Variants in ANGPT1 observed in about 807,000 individuals in gnomAD.
The protein encoded by ANGPT1 is angiopoietin 1.
Under a neutral mutation model 62.2 loss-of-function variants are expected in ANGPT1, and 17 were observed. That is an observed-to-expected ratio of 0.27 (90% confidence interval 0.19 to 0.41). ANGPT1 has a LOEUF of 0.41. Among genes scored for constraint, ANGPT1 ranks in the 10% least tolerant of loss-of-function variants. ANGPT1 has a pLI of 1.00. For missense variants in ANGPT1, 478 were observed against 594.9 expected, an observed-to-expected ratio of 0.80 and a Z score of 2.04; for synonymous variants, 199 against 198.9, an observed-to-expected ratio of 1.00 and a Z score of 0.00.
chr8:107,369,056 C>T (rs1365278186), intron 1 of ANGPT1, among the ~76,000 whole-genome samples: 1 of 140,742 alleles, frequency 7.1e-6, no homozygotes, highest in Admixed American at 7.4e-5. Flanking sequence ...TACACAAGTC[C>T]TAGAAAGCAT....
At chr8:107,437,373 C>A (rs892760887) in intron 1 of ANGPT1, among the ~76,000 whole-genome samples, 1 of 152,086 alleles carries the variant, frequency 6.6e-6, no homozygotes, top group Non-Finnish European at 1.5e-5. Context: ...TCACTAACTA[C>A]CTTGAAATTA....
At chr8:107,404,680 C>G (rs373424902) in intron 1 of ANGPT1, among the ~76,000 whole-genome samples, 2 of 152,038 alleles carry the variant, frequency 1.3e-5, no homozygotes, top group East Asian at 3.9e-4. Context: ...ATTTTATTCA[C>G]TTGGGTAGAT....
chr8:107,496,531 G>T (rs1457918483), intron 1 of ANGPT1, among the ~76,000 whole-genome samples: 4 of 152,144 alleles, frequency 2.6e-5, no homozygotes, highest in African/African-American at 7.2e-5. Context: ...GAATATAGTA[G>T]ACTACATGCT....
intron 1 of ANGPT1, among the ~76,000 whole-genome samples, chr8:107,488,823 C>A (rs1166148117): frequency 1.3e-5 from 2 of 152,134 alleles, no homozygotes; most frequent in Non-Finnish European, 2.9e-5. Context: ...ACAATAAAAA[C>A]CTACTGAACT....
chr8:107,283,556 A>G (rs1008888119), intron 7 of ANGPT1, among the ~76,000 whole-genome samples: 1 of 152,184 alleles, frequency 6.6e-6, no homozygotes, highest in Non-Finnish European at 1.5e-5. Flanking sequence ...TGTCTTGAAA[A>G]GACAAATAAG....
chr8:107,282,854 G>C (rs1429038165), intron 7 of ANGPT1, among the ~76,000 whole-genome samples: 1 of 151,792 alleles, frequency 6.6e-6, no homozygotes, highest in African/African-American at 2.4e-5. Context: ...TCTAAGAGGA[G>C]GTGAGTACTC....
chr8:107,343,143 A>G (rs984691361), intron 2 of ANGPT1, among the ~76,000 whole-genome samples: 29 of 151,724 alleles, frequency 1.9e-4, no homozygotes, highest in African/African-American at 6.8e-4. Context: ...GGCTTGCCTT[A>G]TATTTCTAAT....
At chr8:107,468,552 C>G (rs78384780) in intron 1 of ANGPT1, among the ~76,000 whole-genome samples, 1 of 151,718 alleles carries the variant, frequency 6.6e-6, no homozygotes, top group Non-Finnish European at 1.5e-5. Flanking sequence ...ATATTAATAG[C>G]CAGATTAATA....
chr8:107,306,519 G>A (rs905169020), intron 4 of ANGPT1, among the ~76,000 whole-genome samples: 2 of 151,936 alleles, frequency 1.3e-5, no homozygotes, highest in African/African-American at 2.4e-5. Context: ...TGCATGACTC[G>A]TTTCTTTGTT....
intron 1 of ANGPT1, among the ~76,000 whole-genome samples, chr8:107,370,401 AAAGAAAGAGT>A (rs1816378790): frequency 3.5e-5 from 2 of 56,880 alleles, no homozygotes; most frequent in Admixed American, 2.7e-4. Flanking sequence ...AGAAAGAAAG[AAAGAAAGAGT>A]CAGGGTCAGT....
At chr8:107,308,596 TAACAG>T (rs1336687651) in intron 4 of ANGPT1, among the ~76,000 whole-genome samples, 1 of 152,134 alleles carries the variant, frequency 6.6e-6, no homozygotes, top group African/African-American at 2.4e-5. Flanking sequence ...CTAGAAGAGA[TAACAG>T]TTGAAAGAAT....
intron 1 of ANGPT1, among the ~76,000 whole-genome samples, chr8:107,446,999 G>T (rs1244958853): frequency 6.6e-6 from 1 of 152,162 alleles, no homozygotes; most frequent in Non-Finnish European, 1.5e-5. Flanking sequence ...TAGTAGAGTT[G>T]CCCAGATTGA....
chr8:107,481,212 CTGACT>C (rs1368850438), intron 1 of ANGPT1, among the ~76,000 whole-genome samples: 1 of 152,078 alleles, frequency 6.6e-6, no homozygotes, highest in African/African-American at 2.4e-5. Flanking sequence ...TTGGCTCTTT[CTGACT>C]TTTTTGTTTC....
At chr8:107,299,990 G>C (rs111831781) in intron 5 of ANGPT1, among the ~76,000 whole-genome samples, 38,512 of 134,636 alleles carry the variant, frequency 0.29, 6,765 homozygotes, top group Admixed American at 0.4. Context: ...TAGATATCTA[G>C]ATATAACTAT....
intron 4 of ANGPT1, among the ~76,000 whole-genome samples, chr8:107,316,948 G>A (rs1342093404): frequency 6.6e-6 from 1 of 152,144 alleles, no homozygotes; most frequent in Non-Finnish European, 1.5e-5. Flanking sequence ...AATTATGCTA[G>A]ACATGGTAAC....
intron 1 of ANGPT1, among the ~76,000 whole-genome samples, chr8:107,408,539 T>A (rs1382980755): frequency 1.3e-5 from 2 of 152,158 alleles, no homozygotes; most frequent in African/African-American, 2.4e-5. Flanking sequence ...AGGGCTCTGC[T>A]GTCTTTATGA....
chr8:107,264,550 C>G (rs973037144), intron 7 of ANGPT1, among the ~76,000 whole-genome samples, 199 bp from the exon 8 acceptor site: 2 of 152,122 alleles, frequency 1.3e-5, no homozygotes, highest in African/African-American at 4.8e-5. Flanking sequence ...ATTATGCATG[C>G]TCAAACTCAT....
intron 1 of ANGPT1, among the ~76,000 whole-genome samples, chr8:107,406,396 A>G (rs1817148576): frequency 6.6e-6 from 1 of 152,066 alleles, no homozygotes; most frequent in African/African-American, 2.4e-5. Context: ...ATTAAAAATA[A>G]GTATTTTAAA....
At chr8:107,275,420 T>C (rs1404133422) in intron 7 of ANGPT1, among the ~76,000 whole-genome samples, 1 of 152,190 alleles carries the variant, frequency 6.6e-6, no homozygotes, top group Non-Finnish European at 1.5e-5. Flanking sequence ...ATCTCTGAAC[T>C]ATTCCCCAAC....
Sources: allele counts gnomAD v4.1 joint callset (sites outside exome capture counted in the v4.1 genomes callset), GRCh38; gene constraint gnomAD v4.1.1; transcripts MANE v1.5; gene names NCBI Gene and HGNC (gene_info 2026-07-23, HGNC 2026-07-21).